LAMC1: variants seen among roughly 807,000 people sequenced by gnomAD.
LAMC1 encodes laminin subunit gamma-1.
Under a neutral mutation model 173.6 loss-of-function variants are expected in LAMC1, and 38 were observed. The ratio of observed to expected loss-of-function variants is 0.22; its 90% CI spans 0.17 to 0.29. LAMC1 has a LOEUF of 0.29. Among genes scored for constraint, LAMC1 ranks in the 10% least tolerant of loss-of-function variants. The probability of loss-of-function intolerance (pLI) is 1.00; values close to 1 mark genes in which losing one functional copy is unlikely to be tolerated. For missense variants in LAMC1, 1,824 were observed against 2,051.8 expected (o/e 0.89, Z 2.14); for synonymous variants, 746 against 749.1 (o/e 1.00, Z 0.07).
chr1:183,131,190 A>T, intron 19 of LAMC1, 109 bp from the exon 20 acceptor site: 11 of 686,400 alleles, frequency 1.6e-5, no homozygotes, highest in Non-Finnish European at 2.3e-5. Context: ...AAAAAAAAAA[A>T]GGTAGAGGCA....
intron 3 of LAMC1, 28 bp downstream of exon 3, chr1:183,108,434 A>C: frequency 6.2e-7 from 1 of 1,600,564 alleles, no homozygotes; most frequent in Non-Finnish European, 8.5e-7. Context: ...TTAGTCTTGA[A>C]AGTGTTTGGA....
chr1:183,067,015 G>A (rs754615832), intron 1 of LAMC1, among the ~76,000 whole-genome samples: 1 of 152,120 alleles, frequency 6.6e-6, no homozygotes, highest in Non-Finnish European at 1.5e-5. Context: ...GGGCCAATAA[G>A]TTTGGTTTAT....
chr1:183,109,422 T>C (rs1282431881), intron 3 of LAMC1, among the ~76,000 whole-genome samples: 3 of 152,212 alleles, frequency 2.0e-5, no homozygotes, highest in African/African-American at 4.8e-5. Flanking sequence ...AAGGAACATA[T>C]AGATGCATTT....
At chr1:183,044,027 C>CCCT (rs1208007184) in intron 1 of LAMC1, among the ~76,000 whole-genome samples, 1 of 151,780 alleles carries the variant, frequency 6.6e-6, no homozygotes. Flanking sequence ...TTTTTTAATC[C>CCCT]TTAGTAAATC....
At chr1:183,085,127 G>A (rs1268781156) in intron 1 of LAMC1, among the ~76,000 whole-genome samples, 1 of 151,710 alleles carries the variant, frequency 6.6e-6, no homozygotes, top group Non-Finnish European at 1.5e-5. Flanking sequence ...TGAGGCATGG[G>A]AATTGCTTGA....
chr1:183,077,249 T>C (rs765036526), intron 1 of LAMC1, among the ~76,000 whole-genome samples: 7 of 152,158 alleles, frequency 4.6e-5, no homozygotes, highest in Non-Finnish European at 8.8e-5. Context: ...AGAATAATTA[T>C]ATAGCATTTT....
intron 14 of LAMC1, 95 bp from the exon 15 acceptor site, chr1:183,125,302 C>A: frequency 7.3e-7 from 1 of 1,363,970 alleles, no homozygotes; most frequent in Non-Finnish European, 1.0e-6. Flanking sequence ...ACCAACCTGG[C>A]AACACAGGTC....
intron 1 of LAMC1, among the ~76,000 whole-genome samples, chr1:183,028,979 T>G (rs1312977853): frequency 6.6e-6 from 1 of 152,210 alleles, no homozygotes; most frequent in East Asian, 1.9e-4. Flanking sequence ...CTCACCCAAC[T>G]CAAAGCTCTT....
chr1:183,103,309 T>G lies in LAMC1; in HGVS notation c.419-19T>G. The G allele has an allele frequency of 6.2e-7, 1 of 1,606,688 alleles. No individual in the cohort carries two copies. Among genetic ancestry groups the G allele is most frequent in the African/African-American group, 1.3e-5 (1 of 74,886 alleles). ...CTTCATACGTATGATTTATGACCTT[T>G]GATGTGTTTGTCCCACAGGAAAAGC... On this transcript the variant is annotated intron_variant, in intron 1 of 27. Transcript: ENST00000258341.
intron 1 of LAMC1, among the ~76,000 whole-genome samples, chr1:183,067,358 T>G (rs1399208030): frequency 2.6e-5 from 4 of 152,236 alleles, no homozygotes; most frequent in African/African-American, 4.8e-5. Flanking sequence ...AAACGATGAG[T>G]GTGTCTCCTA....
chr1:183,077,571 C>T (rs1655147382), intron 1 of LAMC1, among the ~76,000 whole-genome samples: 1 of 151,968 alleles, frequency 6.6e-6, no homozygotes, highest in Non-Finnish European at 1.5e-5. Context: ...TCCTTCCCAT[C>T]AAGTCCTCAA....
chr1:183,046,102 A>C (rs1458094553), intron 1 of LAMC1, among the ~76,000 whole-genome samples: 1 of 152,046 alleles, frequency 6.6e-6, no homozygotes, highest in Non-Finnish European at 1.5e-5. Flanking sequence ...TCTTAATTTT[A>C]ATGCGATCAC....
intron 2 of LAMC1, among the ~76,000 whole-genome samples, chr1:183,106,396 C>G (rs1431608705): frequency 6.6e-6 from 1 of 152,174 alleles, no homozygotes; most frequent in Admixed American, 6.5e-5. Flanking sequence ...ATGGTGAAAT[C>G]GTCGTCTCTT....
chr1:183,087,547 A>G (rs1176111311), intron 1 of LAMC1, among the ~76,000 whole-genome samples: 1 of 152,194 alleles, frequency 6.6e-6, no homozygotes, highest in Non-Finnish European at 1.5e-5. Flanking sequence ...GTAGAAATCT[A>G]ACCCCACACA....
chr1:183,123,368 C>T (rs1308224734), intron 13 of LAMC1, among the ~76,000 whole-genome samples: 11 of 152,316 alleles, frequency 7.2e-5, no homozygotes, highest in Admixed American at 4.6e-4. Flanking sequence ...CCAATCTCAA[C>T]ATGAAAGCCA....
chr1:183,123,945 A>G (rs571435372), intron 13 of LAMC1, among the ~76,000 whole-genome samples: 15 of 152,338 alleles, frequency 9.8e-5, no homozygotes, highest in Admixed American at 9.1e-4. Context: ...GAACTAATCA[A>G]GGTAGGAAAG....
intron 1 of LAMC1, among the ~76,000 whole-genome samples, chr1:183,029,237 C>T (rs1408906361): frequency 6.6e-6 from 1 of 152,208 alleles, no homozygotes; most frequent in Non-Finnish European, 1.5e-5. Context: ...TATATCCAGA[C>T]ACTATGTGTC....
At chr1:183,058,886 G>T (rs976141515) in intron 1 of LAMC1, among the ~76,000 whole-genome samples, 2 of 152,232 alleles carry the variant, frequency 1.3e-5, no homozygotes, top group African/African-American at 4.8e-5. Flanking sequence ...TAAAGGAAAA[G>T]CCTGTCAGCT....
In LAMC1 at chr1:183,142,849, A is replaced by G. The variant is rs781594663; in HGVS notation, c.*59A>G. 6.5e-6 allele frequency: 10 copies of G among 1,527,462 alleles called. No individual in the cohort carries two copies. The Admixed American group carries it at 8.0e-5, about 12-fold the overall frequency. 94.6% of individuals were successfully genotyped at this position (1,527,462 alleles called of 1,614,324 possible). ...CAGGGGGGCAGTTGTGAGGCCACAG[A>G]GTGCCTTGACACAAAGATTACATTT... On this transcript the variant is annotated 3_prime_UTR_variant, in exon 28 of 28. Transcript: ENST00000258341.
Sources: allele counts gnomAD v4.1 joint callset (sites outside exome capture counted in the v4.1 genomes callset), GRCh38; gene constraint gnomAD v4.1.1; transcripts MANE v1.5; gene names NCBI Gene and HGNC (gene_info 2026-07-23, HGNC 2026-07-21).